CSF3R: variants seen among roughly 807,000 people sequenced by gnomAD.
CSF3R encodes colony stimulating factor 3 receptor, also known as granulocyte colony-stimulating factor receptor.
In CSF3R, 52 loss-of-function variants were observed where a neutral mutation model predicts 84.4. The observed-to-expected ratio is 0.62, with a 90% CI of 0.49 to 0.78. The LOEUF (loss-of-function observed/expected upper bound fraction) is 0.78, where lower values mean the gene tolerates loss of function less well. CSF3R is among the 30% of genes least tolerant of loss of function. The probability of loss-of-function intolerance (pLI) is 0.00; values close to 1 mark genes in which losing one functional copy is unlikely to be tolerated. For missense variants in CSF3R, 890 were observed against 1,055.7 expected (o/e 0.84, Z 2.17); for synonymous variants, 384 against 429.1 (o/e 0.89, Z 1.30).
At chr1:36,469,368 T>C in intron 11 of CSF3R, 111 bp from the exon 12 acceptor site, 1 of 873,610 alleles carries the variant, frequency 1.1e-6, no homozygotes, top group Non-Finnish European at 1.9e-6. Context: ...TGATTCAGGG[T>C]TAACCTCCAC....
intron 9 of CSF3R, 76 bp downstream of exon 9, chr1:36,471,990 T>TAA (rs1279452711): frequency 6.8e-7 from 1 of 1,473,530 alleles, no homozygotes; most frequent in Non-Finnish European, 9.4e-7. Context: ...GTTGGAGTCC[T>TAA]AAGCCCCGGT....
chr1:36,480,090 G>A (rs1262305330), intron 2 of CSF3R: 1 of 177,930 alleles, frequency 5.6e-6, no homozygotes, highest in East Asian at 1.4e-4. Flanking sequence ...CCTTGGATGG[G>A]AGGGAAGATG....
intron 2 of CSF3R, among the ~76,000 whole-genome samples, chr1:36,480,273 G>A (rs1488562451): frequency 4.6e-5 from 7 of 152,210 alleles, no homozygotes; most frequent in African/African-American, 7.2e-5. Context: ...ACTCTATGGA[G>A]CAGCTGAGGC....
At chr1:36,473,356 G>T in intron 6 of CSF3R, 79 bp downstream of exon 6, 3 of 1,513,538 alleles carry the variant, frequency 2.0e-6, no homozygotes, top group Non-Finnish European at 2.7e-6. Flanking sequence ...CTTGTCTGTC[G>T]CTAGTTCTGT....
Position 36,468,226 on chromosome 1 carries a change from G to A in CSF3R, c.1577-5C>T. 6.3e-7 allele frequency: 1 copy of A among 1,575,424 alleles called. No homozygotes were observed. The highest frequency in any genetic ancestry group is 8.6e-7 in the Non-Finnish European group (1 of 1,160,388). On this transcript the variant is annotated splice_region_variant and splice_polypyrimidine_tract_variant and intron_variant, in intron 12 of 16. Coordinates refer to ENST00000373106, the MANE Select transcript of CSF3R (RefSeq NM_000760.4). ...GCTCTGGGGCATGGGAGGGAGCTATGGGAAGAGAGAGGTGCGGGGGCTGAA... is the reference window on the plus strand; with the variant it reads ...GCTCTGGGGCATGGGAGGGAGCTATAGGAAGAGAGAGGTGCGGGGGCTGAA...
chr1:36,475,717 C>G, intron 3 of CSF3R, 44 bp from the exon 4 acceptor site: 1 of 1,574,342 alleles, frequency 6.4e-7, no homozygotes, highest in Non-Finnish European at 8.6e-7. Flanking sequence ...CTCTGCCTAG[C>G]AGAGCTGGGC....
chr1:36,475,122 A>G (rs1361663719), intron 4 of CSF3R, among the ~76,000 whole-genome samples: 2 of 151,312 alleles, frequency 1.3e-5, no homozygotes, highest in African/African-American at 4.9e-5. Flanking sequence ...CTCCTGCCTC[A>G]GCCCCCCGAG....
At chr1:36,476,167 C>T (rs571820370) in intron 3 of CSF3R, 38 of 156,450 alleles carry the variant, frequency 2.4e-4, no homozygotes, top group African/African-American at 8.2e-4. Flanking sequence ...TTCTGCTACC[C>T]CATCTCCATC....
At chr1:36,474,237 C>T (rs1016483362) in intron 4 of CSF3R, among the ~76,000 whole-genome samples, 1 of 152,158 alleles carries the variant, frequency 6.6e-6, no homozygotes, top group Admixed American at 6.5e-5. Context: ...CTCCATGCCT[C>T]AGCATCCTCA....
At position 36,471,613 on chromosome 1, in the gene CSF3R, G is replaced by C. The variant is rs1219480195; in HGVS notation, c.1105C>G (p.Gln369Glu). The C allele has an allele frequency of 1.2e-6, 2 of 1,614,202 alleles. No individual in the cohort carries two copies. The highest frequency in any genetic ancestry group is 1.7e-6 in the Non-Finnish European group (2 of 1,180,036). Residue 369 changes from glutamine (Q) to glutamate (E), a missense_variant, in exon 10 of 17, where the codon CAA becomes GAA. Physicochemically the swap from Gln to Glu is conservative, Grantham distance 29. Transcript: ENST00000373106. ...GGTCTCCAAGAAACCACATAACCTTGGATCCGTCCGCTGTCTTCCTCCAGG... is the reference window on the plus strand; with the variant it reads ...GGTCTCCAAGAAACCACATAACCTTCGATCCGTCCGCTGTCTTCCTCCAGG... The part of the protein sequence containing the change: ...VPLEEDSGRI[Q>E]GYVVSWRPSG...
rs970162006 is a variant in CSF3R at position 36,482,906 on chromosome 1, C to G, written c.-176G>C. 1 of 152,272 alleles carries G rather than the reference C, an allele frequency of 6.6e-6. No individual in the cohort carries two copies. Among genetic ancestry groups the G allele is most frequent in the Non-Finnish European group, 1.5e-5 (1 of 68,110 alleles). 9.4% of individuals were successfully genotyped at this position (152,272 alleles called of 1,614,324 possible). A position where few individuals can be genotyped will look rare whatever the true frequency, so the allele number is the denominator to read the frequency against. On this transcript the variant is annotated 5_prime_UTR_variant, in exon 1 of 17. Transcript: ENST00000373106. ...CCAGCTGCAGTCCAGCTTCTCTCCC[C>G]GAGCTCTGTCGTTAATGGCTCAGCC...
chr1:36,468,051 TG>T (rs1256632266), intron 13 of CSF3R, 23 bp downstream of exon 13: 2 of 1,614,148 alleles, frequency 1.2e-6, no homozygotes, highest in Non-Finnish European at 1.7e-6. Flanking sequence ...TCTGGGGCTG[TG>T]GGGGAACTGA....
At chr1:36,475,303 G>C in intron 4 of CSF3R, 74 bp downstream of exon 4, 1 of 1,582,198 alleles carries the variant, frequency 6.3e-7, no homozygotes, top group Non-Finnish European at 8.7e-7. Context: ...CAACGTGCCC[G>C]GCTGGTAATA....
Position 36,466,767 on chromosome 1 carries a change from C to T in CSF3R, c.2101G>A (p.Glu701Lys), listed in dbSNP as rs1474949172. The change falls in exon 17 of 17, where the codon GAG becomes AAG. Residue 701 changes from glutamate to lysine, a missense_variant. By Grantham distance (56) the Glu-to-Lys change is moderately conservative. Transcript: ENST00000373106. The surrounding 1 kb of genome is among the most constrained non-coding windows in gnomAD (Gnocchi z 4.6). ...CAGGGCACCGGCTTCTTTTCATCCT[C>T]CTCCAGCACTGTGAGCTTGGTGATG... ...PPITKLTVLE[E>K]DEKKPVPWES... 8.1e-6 allele frequency: 13 copies of T among 1,614,124 alleles called. No homozygotes were observed. Among genetic ancestry groups the T allele is most frequent in the South Asian group, 3.3e-5 (3 of 91,094 alleles).
chr1:36,480,934 C>T (rs1651480468), intron 2 of CSF3R, among the ~76,000 whole-genome samples: 1 of 152,214 alleles, frequency 6.6e-6, no homozygotes, highest in Admixed American at 6.5e-5. Flanking sequence ...AACTAGGGAA[C>T]AGCCTGGATT....
chr1:36,469,181 A>G lies in CSF3R; in HGVS notation c.1551T>C (p.His517=), dbSNP rs1242680538. Residue 517 remains histidine (H), a synonymous_variant, in exon 12 of 17, where the codon CAT becomes CAC. Transcript: ENST00000373106. ...LYQDTMGPSQ[H]VYAYSQEMAP... is the part of the protein sequence containing the mutation. ...CCATTTCTTGAGAGTAGGCATAGAC[A>G]TGCTGGGAGGGTCCCATGGTGTCCT... The G allele has an allele frequency of 1.9e-6, 3 of 1,614,058 alleles. No homozygotes were observed. The highest frequency in any genetic ancestry group is 8.5e-7 in the Non-Finnish European group (1 of 1,179,942).
At chr1:36,474,552 T>G (rs760580211) in intron 4 of CSF3R, among the ~76,000 whole-genome samples, 1 of 152,116 alleles carries the variant, frequency 6.6e-6, no homozygotes, top group Non-Finnish European at 1.5e-5. Context: ...TGACCTCAAA[T>G]GATCCACCTA....
intron 3 of CSF3R, chr1:36,478,865 A>G (rs528842402): frequency 8.6e-5 from 17 of 197,516 alleles, no homozygotes; most frequent in South Asian, 5.0e-4. Flanking sequence ...ACGAACAAAC[A>G]AACAAACAAA....
At chr1:36,476,635 G>T (rs890204960) in intron 3 of CSF3R, among the ~76,000 whole-genome samples, 117 of 144,418 alleles carry the variant, frequency 8.1e-4, no homozygotes, top group African/African-American at 1.4e-3. Context: ...TTTTTTTTTT[G>T]TTGTTGTTGT....
Sources: gnomAD v4.1 joint callset for allele counts (sites outside exome capture counted in the v4.1 genomes callset) on GRCh38, gnomAD v4.1.1 for gene constraint, Gnocchi (gnomAD v3.1) non-coding constraint, MANE v1.5 for transcripts, NCBI Gene and HGNC (gene_info 2026-07-23, HGNC 2026-07-21) for gene names.